CHKA: variants seen among roughly 807,000 people sequenced by gnomAD.
The protein encoded by CHKA is CHETK-alpha.
In CHKA, 34 loss-of-function variants were observed where a neutral mutation model predicts 60.1. The ratio of observed to expected loss-of-function variants is 0.57; its 90% CI spans 0.43 to 0.75. CHKA has a LOEUF of 0.75. CHKA is among the 30% of genes least tolerant of loss of function. The pLI is 0.00. For synonymous variants in CHKA, 217 were observed against 223.1 expected (o/e 0.97, Z 0.24); for missense variants, 563 against 561.3 (o/e 1.00, Z -0.03).
chr11:68,111,780 G>A (rs923759185), intron 1 of CHKA, among the ~76,000 whole-genome samples: 1 of 151,776 alleles, frequency 6.6e-6, no homozygotes, highest in Non-Finnish European at 1.5e-5. Context: ...CATGCCCGGA[G>A]CGGTAGCTCA....
At chr11:68,095,025 T>C (rs116843546) in intron 2 of CHKA, among the ~76,000 whole-genome samples, 44 of 152,258 alleles carry the variant, frequency 2.9e-4, no homozygotes, top group Non-Finnish European at 5.6e-4. Flanking sequence ...TGAGCTGAAA[T>C]AGGCCGGTCT....
intron 2 of CHKA, among the ~76,000 whole-genome samples, chr11:68,094,635 C>T (rs1415771755): frequency 6.6e-6 from 1 of 152,326 alleles, no homozygotes; most frequent in East Asian, 1.9e-4. Flanking sequence ...ATTTAAAACC[C>T]AAGCTGCATG....
chr11:68,087,900 G>T (rs1330651105), intron 2 of CHKA, among the ~76,000 whole-genome samples: 1 of 152,012 alleles, frequency 6.6e-6, no homozygotes, highest in Admixed American at 6.6e-5. Context: ...ATCACCTGAG[G>T]TTGGGAATTT....
chr11:68,092,313 C>CT (rs1021509570), intron 2 of CHKA, among the ~76,000 whole-genome samples: 2 of 152,104 alleles, frequency 1.3e-5, no homozygotes, highest in Middle Eastern at 3.2e-3. Flanking sequence ...TAAATTCTGG[C>CT]TTTTTTTGTT....
chr11:68,082,766 A>G (rs1857026329), intron 2 of CHKA, among the ~76,000 whole-genome samples: 1 of 152,258 alleles, frequency 6.6e-6, no homozygotes, highest in Non-Finnish European at 1.5e-5. Flanking sequence ...GCACTGATAC[A>G]TATTCAATAC....
intron 1 of CHKA, among the ~76,000 whole-genome samples, chr11:68,101,483 A>G (rs972311111): frequency 2.0e-5 from 3 of 152,156 alleles, no homozygotes. Context: ...CAAAATCAAC[A>G]TACAAAAATC....
At chr11:68,079,526 T>C (rs1235377168) in intron 3 of CHKA, among the ~76,000 whole-genome samples, 1 of 151,748 alleles carries the variant, frequency 6.6e-6, no homozygotes, top group Non-Finnish European at 1.5e-5. Flanking sequence ...AGAGACGGGG[T>C]TTCACCATGT....
chr11:68,053,698 C>A lies in CHKA; in HGVS notation c.*290G>T. 2 of 332,892 alleles carry A rather than the reference C, an allele frequency of 6.0e-6. No homozygotes were observed. Among genetic ancestry groups the A allele is most frequent in the Non-Finnish European group, 1.1e-5 (2 of 180,236 alleles). The allele number at this position is 332,892 out of a possible 1,614,324, so 20.6% of individuals were successfully genotyped here. ...TGCCTCATCTGACTGGAAACCTTAG[C>A]CCCCAAATATGAAATGCCTTCTCTA... is the stretch of plus-strand genomic sequence containing the variant. On this transcript the variant is annotated 3_prime_UTR_variant, in exon 12 of 12. Coordinates refer to ENST00000265689, the MANE Select transcript of CHKA (RefSeq NM_001277.3).
At chr11:68,061,681 C>G (rs1299546831) in intron 11 of CHKA, 1 of 525,164 alleles carries the variant, frequency 1.9e-6, no homozygotes, top group African/African-American at 1.9e-5. Flanking sequence ...ATTGCAGGCA[C>G]TTCTCTGAAG....
At chr11:68,101,227 C>T (rs185326638) in intron 1 of CHKA, among the ~76,000 whole-genome samples, 7 of 152,176 alleles carry the variant, frequency 4.6e-5, no homozygotes, top group Admixed American at 1.3e-4. Flanking sequence ...GGATTACAGG[C>T]GTGAGCCACC....
intron 11 of CHKA, among the ~76,000 whole-genome samples, chr11:68,057,906 TTTGTTTTTGAGATGGGGTC>T (rs1325724552): frequency 6.6e-6 from 1 of 152,156 alleles, no homozygotes; most frequent in Non-Finnish European, 1.5e-5. Flanking sequence ...TTTGTTTTGT[TTTGTTTTTGAGATGGGGTC>T]TTGCTCTGTT....
intron 2 of CHKA, among the ~76,000 whole-genome samples, chr11:68,086,855 G>A (rs568480402): frequency 2.6e-5 from 4 of 152,236 alleles, no homozygotes; most frequent in East Asian, 3.9e-4. Flanking sequence ...GCGCGGTGGC[G>A]GGCGCCTGTT....
chr11:68,086,190 G>GT (rs1162411687), intron 2 of CHKA, among the ~76,000 whole-genome samples: 1 of 152,052 alleles, frequency 6.6e-6, no homozygotes, highest in African/African-American at 2.4e-5. Flanking sequence ...ATGTGCGCCT[G>GT]TAAGTCTCAG....
At chr11:68,097,502 G>A (rs867451686) in intron 1 of CHKA, among the ~76,000 whole-genome samples, 12 of 152,070 alleles carry the variant, frequency 7.9e-5, no homozygotes, top group East Asian at 3.9e-4. Context: ...CAGGCGTGGT[G>A]GCAGGTGCCT....
rs767302447 is a variant in CHKA, at chr11:68,054,058, G to A, written c.1315-11C>T. The A allele has an allele frequency of 1.9e-6, 3 of 1,610,002 alleles. No individual in the cohort carries two copies. Among genetic ancestry groups the A allele is most frequent in the Non-Finnish European group, 2.5e-6 (3 of 1,177,532 alleles). The stretch of plus-strand genomic sequence containing the variant: ...TGCTTGGGCGTAGTCCTAGGAGACA[G>A]CAAAGAGAAGGCCTCAGCAAGGAAT... On this transcript the variant is annotated splice_polypyrimidine_tract_variant and intron_variant, in intron 11 of 11. Coordinates refer to ENST00000265689, the MANE Select transcript of CHKA (RefSeq NM_001277.3).
intron 1 of CHKA, among the ~76,000 whole-genome samples, chr11:68,109,113 A>C: frequency 7.4e-6 from 1 of 135,642 alleles, no homozygotes. Flanking sequence ...TTTTTGAGAC[A>C]GAGTCTCGCT....
intron 1 of CHKA, among the ~76,000 whole-genome samples, chr11:68,097,455 A>T (rs1204247579): frequency 6.6e-6 from 1 of 152,042 alleles, no homozygotes; most frequent in Non-Finnish European, 1.5e-5. Context: ...TAACACGGTG[A>T]AACCCCGTCT....
intron 6 of CHKA, 43 bp from the exon 7 acceptor site, chr11:68,068,980 C>A: frequency 1.4e-6 from 2 of 1,471,802 alleles, no homozygotes; most frequent in South Asian, 2.3e-5. Context: ...GCTTCTCAGT[C>A]AGCTGCACAC....
chr11:68,101,810 G>A (rs1353408578), intron 1 of CHKA, among the ~76,000 whole-genome samples: 1 of 152,070 alleles, frequency 6.6e-6, no homozygotes, highest in Non-Finnish European at 1.5e-5. Context: ...TTGTTAAAAT[G>A]TCCATACTGG....
Sources: gnomAD v4.1 joint callset for allele counts (sites outside exome capture counted in the v4.1 genomes callset) on GRCh38, gnomAD v4.1.1 for gene constraint, MANE v1.5 for transcripts, NCBI Gene and HGNC (gene_info 2026-07-23, HGNC 2026-07-21) for gene names.